Variants in ATP13A3 observed in about 807,000 individuals in gnomAD.
The protein encoded by ATP13A3 is ATPase 13A3.
A neutral mutation model predicts 158.1 loss-of-function variants in ATP13A3; 59 were observed. The ratio of observed to expected loss-of-function variants is 0.37; its 90% CI spans 0.30 to 0.46. The LOEUF (loss-of-function observed/expected upper bound fraction) is 0.46, where lower values mean the gene tolerates loss of function less well. Among genes scored for constraint, ATP13A3 ranks in the 20% least tolerant of loss-of-function variants. ATP13A3 has a pLI of 1.00. For missense variants in ATP13A3, 1,166 were observed against 1,525.2 expected (o/e 0.76, Z 3.92); for synonymous variants, 491 against 504.3 (o/e 0.97, Z 0.35).
rs79761598 is a variant in ATP13A3 at position 194,405,493 on chromosome 3, A to G, written c.*426T>C. The G allele has an allele frequency of 0.027, 4,305 of 158,036 alleles. 213 individuals carry two copies. Among genetic ancestry groups the G allele is most frequent in the African/African-American group, 0.099 (4,135 of 41,598 alleles). 9.8% of individuals were successfully genotyped at this position (158,036 alleles called of 1,614,324 possible). A position where few individuals can be genotyped will look rare whatever the true frequency, so the allele number is the denominator to read the frequency against. ...AATTAACACTCATCTTCTTTTTATC[A>G]ATCACAAACTTACAGCCTGTATATA... On this transcript the variant is annotated 3_prime_UTR_variant, in exon 34 of 34. Coordinates refer to ENST00000645319, the MANE Select transcript of ATP13A3 (RefSeq NM_001367549.1).
intron 6 of ATP13A3, 179 bp downstream of exon 6, chr3:194,459,292 A>G (rs1474111767): frequency 1.2e-5 from 7 of 583,944 alleles, no homozygotes; most frequent in Non-Finnish European, 2.2e-5. Context: ...CTGCGGTGGG[A>G]CTTATTTTAA....
intron 30 of ATP13A3, among the ~76,000 whole-genome samples, chr3:194,421,137 G>GTT (rs373348953): frequency 0.02 from 145 of 7,150 alleles, 16 homozygotes; most frequent in South Asian, 0.056. Context: ...TATATATATA[G>GTT]TATATATATA....
At chr3:194,452,113 G>C (rs1485231023) in intron 10 of ATP13A3, 1 of 152,348 alleles carries the variant, frequency 6.6e-6, no homozygotes, top group East Asian at 1.9e-4. Context: ...CCAGCACTCT[G>C]GGAGGCCAAG....
intron 2 of ATP13A3, among the ~76,000 whole-genome samples, chr3:194,472,270 CA>C (rs113128513): frequency 4.2e-5 from 6 of 144,440 alleles, no homozygotes; most frequent in Admixed American, 2.1e-4. Context: ...GCACAGTAGC[CA>C]AAAAAAAAAC....
intron 17 of ATP13A3, 87 bp downstream of exon 17, chr3:194,438,769 T>A: frequency 1.2e-6 from 1 of 851,528 alleles, no homozygotes; most frequent in Admixed American, 3.0e-5. Flanking sequence ...CAAGACCTTG[T>A]CTCTATAAAA....
Position 194,417,958 on chromosome 3 carries a change from C to CGGAAGGAAGGAAGGAA in ATP13A3, c.3402+1905_3402+1920dup, listed in dbSNP as rs1198337838. On this transcript the variant is annotated intron_variant, in intron 31 of 33. Transcript: ENST00000645319. ...CGTGGGTGACAGACAGACGGACGGA[C>CGGAAGGAAGGAAGGAA]GGAAGGAAGGAAGGAAGGAAGGAAG... is the stretch of plus-strand genomic sequence containing the variant. 2.2e-3 allele frequency among the ~76,000 whole-genome samples: 169 copies of CGGAAGGAAGGAAGGAA among 76,878 alleles called. 6 individuals carry two copies. The East Asian group carries it at 0.023, about 11-fold the overall frequency. 50.4% of individuals were successfully genotyped at this position (76,878 alleles called of 152,430 possible).
chr3:194,410,949 T>G (rs1216217578), intron 33 of ATP13A3, among the ~76,000 whole-genome samples: 1 of 151,256 alleles, frequency 6.6e-6, no homozygotes, highest in Non-Finnish European at 1.5e-5. Context: ...TGTGTGTGTG[T>G]GTGTGTGTGT....
chr3:194,488,987 C>T (rs1721114530), upstream of ATP13A3, among the ~76,000 whole-genome samples: 1 of 152,244 alleles, frequency 6.6e-6, no homozygotes. This position sits in a 1 kb window ranked among gnomAD's most constrained non-coding sequence, Gnocchi z 4.1. Context: ...CAAAACTGAA[C>T]TCATTCTCTG....
Position 194,404,506 on chromosome 3 carries a change from G to C in ATP13A3, c.*1413C>G, listed in dbSNP as rs1327139140. On this transcript the variant is annotated 3_prime_UTR_variant, in exon 34 of 34. Coordinates refer to ENST00000645319, the MANE Select transcript of ATP13A3 (RefSeq NM_001367549.1). The stretch of plus-strand genomic sequence containing the variant: ...GCATGTTACTGGCTCTGGAAGAACA[G>C]AGAACAATGTCACACTGTTTTCATA... 5.7e-6 allele frequency: 1 copy of C among 174,276 alleles called. No individual in the cohort carries two copies. Among genetic ancestry groups the C allele is most frequent in the Non-Finnish European group, 1.2e-5 (1 of 82,264 alleles). The allele number at this position is 174,276 out of a possible 1,614,324, so 10.8% of individuals were successfully genotyped here. A position where few individuals can be genotyped will look rare whatever the true frequency, so the allele number is the denominator to read the frequency against.
chr3:194,415,633 AGT>A (rs1432404109), intron 31 of ATP13A3, among the ~76,000 whole-genome samples: 3 of 149,394 alleles, frequency 2.0e-5, no homozygotes, highest in African/African-American at 7.4e-5. Context: ...CTGTAACTGA[AGT>A]GTGCAAGGAT....
At position 194,436,568 on chromosome 3, in the gene ATP13A3, A is replaced by G. The variant is rs186503333; in HGVS notation, c.2120+527T>C. 2.0e-5 allele frequency among the ~76,000 whole-genome samples: 3 copies of G among 152,380 alleles called. No individual in the cohort carries two copies. The East Asian group carries it at 5.8e-4, about 29-fold the overall frequency. On this transcript the variant is annotated intron_variant, in intron 20 of 33. Transcript: ENST00000645319. The stretch of plus-strand genomic sequence containing the variant: ...TTGAAAACAGTTTCAAAGAGCTCTA[A>G]GGAAAAAACATGATGTTACAATAAC...
Position 194,482,321 on chromosome 3 carries a change from G to A in ATP13A3, c.-47+3473C>T, listed in dbSNP as rs538345060. On this transcript the variant is annotated intron_variant, in intron 2 of 33. Transcript: ENST00000645319. The stretch of plus-strand genomic sequence containing the variant: ...TCACTCAGGCTGGTCTCAAACTCCT[G>A]GCCTCAAGCCATCCTCCTGCCTTGG... Among the ~76,000 whole-genome samples, 17 of 152,238 alleles carry A rather than the reference G, an allele frequency of 1.1e-4. No individual in the cohort carries two copies. The South Asian group carries it at 3.5e-3, about 32-fold the overall frequency.
intron 2 of ATP13A3, among the ~76,000 whole-genome samples, chr3:194,481,395 T>A (rs993157976): frequency 2.0e-5 from 3 of 150,086 alleles, no homozygotes; most frequent in Non-Finnish European, 1.5e-5. Flanking sequence ...AAAAAAAAAA[T>A]GCAAAAGTTT....
intron 9 of ATP13A3, 30 bp from the exon 10 acceptor site, chr3:194,453,808 GC>G (rs762023933): frequency 6.4e-7 from 1 of 1,574,436 alleles, no homozygotes; most frequent in Non-Finnish European, 8.7e-7. Flanking sequence ...TTAGAAACTA[GC>G]CAATATGAAC....
In ATP13A3 at chr3:194,429,695, C is replaced by T; in HGVS notation, c.2857G>A (p.Val953Ile). The change falls in exon 27 of 34, where the codon GTT becomes ATT. Residue 953 changes from valine (V) to isoleucine (I), a missense_variant. By Grantham distance (29) the Val-to-Ile change is conservative (BLOSUM62 3). Coordinates refer to ENST00000645319, the MANE Select transcript of ATP13A3 (RefSeq NM_001367549.1). ...ATACTCACAGAATACAGCAGAGTAA[C>T]ACTGAAGTACTGGATAATGCTGTAC... Reference protein sequence around the residue: ...ALYSIIQYFSVTLLYSILSNL... With the variant: ...ALYSIIQYFSITLLYSILSNL... The T allele has an allele frequency of 6.2e-7, 1 of 1,611,486 alleles. No individual in the cohort carries two copies. Among genetic ancestry groups the T allele is most frequent in the Non-Finnish European group, 8.5e-7 (1 of 1,177,788 alleles).
chr3:194,424,916 A>T (rs1278627661), intron 30 of ATP13A3, among the ~76,000 whole-genome samples: 1 of 152,152 alleles, frequency 6.6e-6, no homozygotes, highest in Non-Finnish European at 1.5e-5. Flanking sequence ...GCCCGGGAGG[A>T]AAGTATAATA....
Position 194,454,382 on chromosome 3 carries a change from G to A in ATP13A3, c.641C>T (p.Pro214Leu). 1 of 1,610,976 alleles carries A rather than the reference G, an allele frequency of 6.2e-7. No homozygotes were observed. ...FKLLIKEVLN[P>L]FYIFQLFSVI... ...ACTGAACAGCTGGAAAATGTAAAAT[G>A]GGTTGAGAACCTAAAAAACAAGATT... The change falls in exon 9 of 34, where the codon CCA (proline) becomes CTA (leucine). Residue 214 changes from proline to leucine, a missense_variant. By Grantham distance (98) the Pro-to-Leu change is moderately conservative. Around this residue, in one of 3 missense-constraint regions of ATP13A3, gnomAD observed 997 missense variants for 1,341.2 expected, o/e 0.74. Coordinates refer to ENST00000645319, the MANE Select transcript of ATP13A3 (RefSeq NM_001367549.1).
chr3:194,484,867 C>T (rs181715675), intron 2 of ATP13A3, among the ~76,000 whole-genome samples: 2 of 152,088 alleles, frequency 1.3e-5, no homozygotes, highest in East Asian at 3.9e-4. Flanking sequence ...ACCAGCCTGG[C>T]CAACGTGGTG....
At chr3:194,417,973 AAGGAAGGAAGGAAGGG>A (rs1560072573) in intron 31 of ATP13A3, among the ~76,000 whole-genome samples, 2 of 122,382 alleles carry the variant, frequency 1.6e-5, no homozygotes, top group South Asian at 3.5e-4. Flanking sequence ...GGAAGGAAGG[AAGGAAGGAAGGAAGGG>A]AGGGAGGGAG....
Sources: allele counts gnomAD v4.1 joint callset (sites outside exome capture counted in the v4.1 genomes callset), GRCh38; gene constraint gnomAD v4.1.1; regional missense constraint gnomAD v4.1.1; non-coding constraint Gnocchi (gnomAD v3.1); transcripts MANE v1.5; gene names NCBI Gene and HGNC (gene_info 2026-07-23, HGNC 2026-07-21).